The following SMARCA2 variants were observed in gnomAD, a reference collection of about 807,000 sequenced individuals.
The protein encoded by SMARCA2 is SWI/SNF related BAF chromatin remodeling complex subunit ATPase 2.
A neutral mutation model predicts 199.8 loss-of-function variants in SMARCA2; 61 were observed. The ratio of observed to expected loss-of-function variants is 0.31; its 90% CI spans 0.25 to 0.38. The LOEUF is 0.38. SMARCA2 is among the 10% of genes least tolerant of loss of function. The pLI, the probability that SMARCA2 is intolerant of heterozygous loss-of-function variation, is 1.00. For synonymous variants in SMARCA2, 935 were observed against 732.0 expected, an observed-to-expected ratio of 1.28 and a Z score of -4.48; for missense variants, 1,344 against 2,012.2, an observed-to-expected ratio of 0.67 and a Z score of 6.35.
chr9:2,084,942 A>C (rs1263900622), intron 17 of SMARCA2, among the ~76,000 whole-genome samples: 1 of 151,534 alleles, frequency 6.6e-6, no homozygotes. Flanking sequence ...AATAATGAAA[A>C]CTCTTTTTTT....
intron 14 of SMARCA2, 130 bp downstream of exon 14, chr9:2,077,906 G>A: frequency 5.2e-6 from 4 of 774,582 alleles, no homozygotes; most frequent in Non-Finnish European, 8.3e-6. Flanking sequence ...TAATACTGAG[G>A]TTCCTTTCAT....
At chr9:2,126,690 G>A (rs1406574248) in intron 27 of SMARCA2, among the ~76,000 whole-genome samples, 2 of 152,226 alleles carry the variant, frequency 1.3e-5, no homozygotes, top group Non-Finnish European at 2.9e-5. Context: ...GTTGTACAAA[G>A]CCTGCTTGGC....
At chr9:2,036,781 A>G (rs1188946443) in intron 3 of SMARCA2, among the ~76,000 whole-genome samples, 3 of 152,064 alleles carry the variant, frequency 2.0e-5, no homozygotes, top group Non-Finnish European at 4.4e-5. Context: ...TTTTCCAGTG[A>G]CCAGGTTCTT....
chr9:2,096,632 C>G (rs1245762195), intron 19 of SMARCA2, 25 bp from the exon 20 acceptor site: 1 of 1,500,834 alleles, frequency 6.7e-7, no homozygotes, highest in African/African-American at 1.4e-5. Context: ...CTGCTCTTGC[C>G]TACTTACTGT....
Position 2,017,237 on chromosome 9 carries a change from G to C in SMARCA2, c.-37+1833G>C, listed in dbSNP as rs979700846. The C allele has an allele frequency of 2.1e-4, 32 of 152,422 alleles. No homozygotes were observed. Among genetic ancestry groups the C allele is most frequent in the African/African-American group, 7.2e-4 (30 of 41,546 alleles). The allele number at this position is 152,422 out of a possible 1,614,324, so 9.4% of individuals were successfully genotyped here. On this transcript the variant is annotated intron_variant, in intron 1 of 33. Coordinates refer to ENST00000349721, the MANE Select transcript of SMARCA2 (RefSeq NM_003070.5). The surrounding 1 kb of genome is among the most constrained non-coding windows in gnomAD (Gnocchi z 8.8). Reference sequence around the variant, plus strand: ...GCGCGGGGCTGGCTGGGCTGCTTGGGGGGTGGGGTGGAGGGAAGTTGGACG... The same window carrying C: ...GCGCGGGGCTGGCTGGGCTGCTTGGCGGGTGGGGTGGAGGGAAGTTGGACG...
intron 19 of SMARCA2, among the ~76,000 whole-genome samples, chr9:2,093,468 T>G: frequency 6.6e-6 from 1 of 151,840 alleles, no homozygotes; most frequent in Non-Finnish European, 1.5e-5. Flanking sequence ...AGCGTGAGAG[T>G]GGGTTTCCAC....
chr9:2,174,435 G>C (rs1474664263), intron 29 of SMARCA2, among the ~76,000 whole-genome samples: 1 of 152,136 alleles, frequency 6.6e-6, no homozygotes, highest in East Asian at 1.9e-4. Flanking sequence ...TCTTCCTTGA[G>C]GATTTATTAC....
At chr9:2,075,721 G>T (rs1371355459) in intron 12 of SMARCA2, among the ~76,000 whole-genome samples, 3 of 152,124 alleles carry the variant, frequency 2.0e-5, no homozygotes, top group Non-Finnish European at 4.4e-5. Flanking sequence ...GCAGTGGTGT[G>T]ATCTTGGCTC....
At chr9:2,015,570 G>A (rs1818318295) in intron 1 of SMARCA2, among the ~76,000 whole-genome samples, 166 bp downstream of exon 1, 1 of 151,948 alleles carries the variant, frequency 6.6e-6, no homozygotes, top group African/African-American at 2.4e-5. Context: ...ACAAACAGGC[G>A]GGCCAACCGC....
chr9:2,159,035 C>T, intron 27 of SMARCA2: 5 of 1,591,110 alleles, frequency 3.1e-6, no homozygotes, highest in Non-Finnish European at 4.3e-6. Flanking sequence ...TAAGAATCTG[C>T]ACGTATTAGC....
Position 2,101,629 on chromosome 9 carries a change from T to G in SMARCA2, c.3125+13T>G. ...GGGTCATCAATGGGTAAATCTCAAA[T>G]TTTTTTTTCTTTTAAAAAAAAATGT... On this transcript the variant is annotated intron_variant, in intron 22 of 33. Transcript: ENST00000349721. 7.1e-7 allele frequency: 1 copy of G among 1,404,510 alleles called. No homozygotes were observed. The highest frequency in any genetic ancestry group is 1.0e-6 in the Non-Finnish European group (1 of 1,004,874). The allele number at this position is 1,404,510 out of a possible 1,614,324, so 87.0% of individuals were successfully genotyped here. A position where few individuals can be genotyped will look rare whatever the true frequency, so the allele number is the denominator to read the frequency against.
At chr9:2,189,621 T>A (rs1301576887) in intron 32 of SMARCA2, among the ~76,000 whole-genome samples, 1 of 152,096 alleles carries the variant, frequency 6.6e-6, no homozygotes, top group African/African-American at 2.4e-5. Context: ...GTAGGCCTTT[T>A]CATCTCCAGT....
intron 27 of SMARCA2, 67 bp downstream of exon 27, chr9:2,124,004 G>A (rs1054524340): frequency 1.5e-6 from 2 of 1,297,386 alleles, no homozygotes; most frequent in Admixed American, 3.9e-5. Flanking sequence ...AGAAACCAGG[G>A]GCCTAGAGCT....
chr9:2,118,334 A>G (rs1340661760), intron 25 of SMARCA2, among the ~76,000 whole-genome samples: 4 of 152,212 alleles, frequency 2.6e-5, no homozygotes, highest in African/African-American at 2.4e-5. Flanking sequence ...ATTATCTTGA[A>G]TTGTAGATTT....
chr9:2,056,643 A>T lies in SMARCA2; in HGVS notation c.1174-29A>T, dbSNP rs754090410. 1 of 1,595,468 alleles carries T rather than the reference A, an allele frequency of 6.3e-7. No homozygotes were observed. The highest frequency in any genetic ancestry group is 8.5e-7 in the Non-Finnish European group (1 of 1,171,600). On this transcript the variant is annotated intron_variant, in intron 6 of 33. Coordinates refer to ENST00000349721, the MANE Select transcript of SMARCA2 (RefSeq NM_003070.5). This position sits in a 1 kb window ranked among gnomAD's most constrained non-coding sequence, Gnocchi z 4.0. ...TCAGGAACCTAGCTTCTGTTAGGGA[A>T]GGCTGTCTAACTGCTCTCTTCTTGA...
intron 12 of SMARCA2, among the ~76,000 whole-genome samples, chr9:2,074,130 T>A (rs543013361): frequency 2.0e-5 from 3 of 152,306 alleles, no homozygotes; most frequent in South Asian, 4.1e-4. Flanking sequence ...TGATTCTTGT[T>A]TGAATTCCTT....
chr9:2,054,478 C>G, intron 5 of SMARCA2, 119 bp from the exon 6 acceptor site: 3 of 1,185,626 alleles, frequency 2.5e-6, no homozygotes, highest in Non-Finnish European at 3.6e-6. Flanking sequence ...GATCAACTAT[C>G]AGTATCTGGA....
At chr9:2,092,138 T>A (rs1323992588) in intron 19 of SMARCA2, among the ~76,000 whole-genome samples, 1 of 152,210 alleles carries the variant, frequency 6.6e-6, no homozygotes, top group African/African-American at 2.4e-5. Context: ...TAGCTCACAT[T>A]TAAGGTTGTC....
chr9:2,030,260 A>G (rs1182597164), intron 2 of SMARCA2, among the ~76,000 whole-genome samples: 2 of 152,182 alleles, frequency 1.3e-5, no homozygotes, highest in African/African-American at 2.4e-5. Context: ...TGAGAGTTCT[A>G]TTATCTGCAG....
Sources: allele counts gnomAD v4.1 joint callset (sites outside exome capture counted in the v4.1 genomes callset), GRCh38; gene constraint gnomAD v4.1.1; non-coding constraint Gnocchi (gnomAD v3.1); transcripts MANE v1.5; gene names NCBI Gene and HGNC (gene_info 2026-07-23, HGNC 2026-07-21).